Variants in USP9X observed in about 807,000 individuals in gnomAD.
USP9X encodes the protein ubiquitin specific peptidase 9 X-linked, also known as ubiquitin carboxyl-terminal hydrolase 9X.
USP9X carries 7 observed loss-of-function variants against 190.3 expected under a neutral mutation model. The observed-to-expected ratio is 0.04, with a 90% CI of 0.02 to 0.07. The LOEUF (loss-of-function observed/expected upper bound fraction) is 0.07, where lower values mean the gene tolerates loss of function less well. USP9X is among the 10% of genes least tolerant of loss of function. The probability of loss-of-function intolerance (pLI) is 1.00; values close to 1 mark genes in which losing one functional copy is unlikely to be tolerated. For missense variants in USP9X, 1,010 were observed against 1,916.9 expected (o/e 0.53, Z 8.83); for synonymous variants, 645 against 659.5 (o/e 0.98, Z 0.34).
At chrX:41,226,464 C>T (rs1430979606) in intron 41 of USP9X, among the ~76,000 whole-genome samples, 2 of 111,856 alleles carry the variant, frequency 1.8e-5, no homozygotes, top group East Asian at 2.8e-4. Context: ...AAGTCTATGT[C>T]GCAGTTTGCC....
intron 12 of USP9X, among the ~76,000 whole-genome samples, 172 bp from the exon 13 acceptor site, chrX:41,150,749 A>G (rs953245634): frequency 8.9e-6 from 1 of 112,232 alleles, no homozygotes; most frequent in African/African-American, 3.2e-5. Context: ...TGAAATAAAA[A>G]CAAACTTAAA....
Position 41,218,226 on chromosome X carries a change from T to G in USP9X, c.6210-146T>G. Reference sequence around the variant, plus strand: ...CAAGTCATAGTATTTATCTATTGTTTTAATATTAGAAGCAACCTTTGCTGG... The same window carrying G: ...CAAGTCATAGTATTTATCTATTGTTGTAATATTAGAAGCAACCTTTGCTGG... On this transcript the variant is annotated intron_variant, in intron 36 of 44. Transcript: ENST00000378308. 2.1e-5 allele frequency: 11 copies of G among 512,109 alleles called. No homozygotes were observed. The South Asian group carries it at 3.8e-4, about 18-fold the overall frequency. 42.2% of individuals were successfully genotyped at this position (512,109 alleles called of 1,213,427 possible).
chrX:41,146,770 T>C (rs778976475), intron 11 of USP9X, among the ~76,000 whole-genome samples: 1 of 99,137 alleles, frequency 1.0e-5, no homozygotes, highest in South Asian at 5.5e-4. Flanking sequence ...TTTTGAATGC[T>C]AATCTTTGTC....
At chrX:41,144,824 C>CT (rs1294306970) in intron 11 of USP9X, among the ~76,000 whole-genome samples, 198 bp downstream of exon 11, 1 of 111,230 alleles carries the variant, frequency 9.0e-6, no homozygotes, top group African/African-American at 3.3e-5. Context: ...ATAATGGAAA[C>CT]TCAGGCTATC....
intron 1 of USP9X, among the ~76,000 whole-genome samples, chrX:41,117,383 G>T (rs1317613984): frequency 9.0e-6 from 1 of 111,019 alleles, no homozygotes. Context: ...TGTATAGATG[G>T]TTACTGAATT....
intron 14 of USP9X, 41 bp from the exon 15 acceptor site, chrX:41,162,749 T>C (rs1422007203): frequency 9.2e-7 from 1 of 1,089,400 alleles, no homozygotes; most frequent in African/African-American, 1.8e-5. Context: ...GTGATTTGGG[T>C]TATCCATGTG....
chrX:41,197,737 TG>T (rs1443752259), intron 29 of USP9X, among the ~76,000 whole-genome samples: 1 of 111,480 alleles, frequency 9.0e-6, no homozygotes, highest in Admixed American at 9.6e-5. Context: ...TGGCTGGACT[TG>T]CTGGCCTCAT....
chrX:41,157,299 G>A (rs1194732058), intron 14 of USP9X, among the ~76,000 whole-genome samples: 1 of 111,469 alleles, frequency 9.0e-6, no homozygotes, highest in Non-Finnish European at 1.9e-5. Context: ...GCTAGTCTCC[G>A]AATGAGCATA....
At chrX:41,159,486 G>A (rs2062608752) in intron 14 of USP9X, among the ~76,000 whole-genome samples, 1 of 110,859 alleles carries the variant, frequency 9.0e-6, no homozygotes, top group South Asian at 3.7e-4. Context: ...TGCTAAGTGG[G>A]AAAAAGTCTG....
intron 14 of USP9X, among the ~76,000 whole-genome samples, chrX:41,158,143 A>AGG (rs2062595830): frequency 9.0e-6 from 1 of 111,124 alleles, no homozygotes; most frequent in Non-Finnish European, 1.9e-5. Flanking sequence ...GGTACCATGA[A>AGG]GGGGACCAAC....
chrX:41,093,124 C>T, intron 1 of USP9X, among the ~76,000 whole-genome samples: 1 of 111,824 alleles, frequency 8.9e-6, no homozygotes, highest in East Asian at 2.8e-4. Context: ...GTTTTGGCCT[C>T]CCAGTGTTGC....
chrX:41,198,456 C>T, intron 29 of USP9X, 72 bp from the exon 30 acceptor site: 2 of 718,370 alleles, frequency 2.8e-6, no homozygotes, highest in East Asian at 1.0e-4. Flanking sequence ...AAATGATTTA[C>T]TTACAAGAGA....
At chrX:41,195,522 C>T (rs972880444) in intron 26 of USP9X, among the ~76,000 whole-genome samples, 4 of 111,394 alleles carry the variant, frequency 3.6e-5, no homozygotes, top group African/African-American at 1.3e-4. Flanking sequence ...ACTGCCAGTA[C>T]GGTATACGGC....
At position 41,214,560 on chromosome X, in the gene USP9X, GT is replaced by G; in HGVS notation, c.5190-3del. On this transcript the variant is annotated splice_region_variant and splice_polypyrimidine_tract_variant and intron_variant, in intron 33 of 44. Coordinates refer to ENST00000378308, the MANE Select transcript of USP9X (RefSeq NM_001039591.3). ...AAGGGATAAATCCTTTTTTTAAATC[GT>G]TTTTAGGTACGAATGTGAAGAATCT... The G allele has an allele frequency of 8.7e-7, 1 of 1,144,830 alleles. No homozygotes were observed. The highest frequency in any genetic ancestry group is 1.2e-6 in the Non-Finnish European group (1 of 867,359). The allele number at this position is 1,144,830 out of a possible 1,213,427, so 94.3% of individuals were successfully genotyped here.
intron 14 of USP9X, among the ~76,000 whole-genome samples, chrX:41,156,092 TAACAA>T (rs1188304635): frequency 1.8e-5 from 2 of 112,547 alleles, no homozygotes; most frequent in African/African-American, 6.5e-5. Context: ...CAGCAGACCT[TAACAA>T]AACAACCATT....
At chrX:41,153,183 T>C (rs1269784174) in intron 14 of USP9X, 102 bp downstream of exon 14, 1 of 894,660 alleles carries the variant, frequency 1.1e-6, no homozygotes, top group Non-Finnish European at 1.5e-6. Flanking sequence ...GGATTTAAGA[T>C]CCACTATTAC....
intron 11 of USP9X, among the ~76,000 whole-genome samples, chrX:41,145,286 A>G (rs2062454698): frequency 1.8e-5 from 2 of 112,065 alleles, no homozygotes; most frequent in South Asian, 3.7e-4. Context: ...ATAAATTGCT[A>G]TAGCCACTTT....
intron 13 of USP9X, among the ~76,000 whole-genome samples, chrX:41,151,296 C>T (rs188586854): frequency 1.8e-4 from 20 of 110,841 alleles, no homozygotes; most frequent in African/African-American, 6.2e-4. Flanking sequence ...CCTTTGGGTT[C>T]TTGGTTCAGA....
chrX:41,208,772 A>G (rs2063130399), intron 32 of USP9X, among the ~76,000 whole-genome samples: 1 of 109,256 alleles, frequency 9.2e-6, no homozygotes. Context: ...CAGTGGCGTG[A>G]TCTCGGCTCA....
Sources: allele counts gnomAD v4.1 joint callset (sites outside exome capture counted in the v4.1 genomes callset), GRCh38; gene constraint gnomAD v4.1.1; transcripts MANE v1.5; gene names NCBI Gene and HGNC (gene_info 2026-07-23, HGNC 2026-07-21).